The following DYNC1I1 variants were observed in gnomAD, a reference collection of about 807,000 sequenced individuals.
DYNC1I1 encodes cytoplasmic dynein 1 intermediate chain 1.
A neutral mutation model predicts 86.6 loss-of-function variants in DYNC1I1; 43 were observed. That is an observed-to-expected ratio of 0.50 (90% confidence interval 0.39 to 0.64). DYNC1I1 has a LOEUF of 0.64. DYNC1I1 is among the 30% of genes least tolerant of loss of function. The pLI is 0.00. For missense variants in DYNC1I1, 604 were observed against 788.8 expected (o/e 0.77, Z 2.81); for synonymous variants, 262 against 283.7 (o/e 0.92, Z 0.77).
Position 96,028,057 on chromosome 7 carries a change from TA to T in DYNC1I1, c.970-117del. The T allele has an allele frequency of 3.6e-6, 5 of 1,386,614 alleles. No homozygotes were observed. The African/African-American group carries it at 7.2e-5, about 20-fold the overall frequency. The allele number at this position is 1,386,614 out of a possible 1,614,324, so 85.9% of individuals were successfully genotyped here. A position where few individuals can be genotyped will look rare whatever the true frequency, so the allele number is the denominator to read the frequency against. ...CACTTTTACAGTCCCAGCTTTAAATTATTTTTTTGTTTTCCAGGATGTGTTG... is the reference window on the plus strand; with the variant it reads ...CACTTTTACAGTCCCAGCTTTAAATTTTTTTTTGTTTTCCAGGATGTGTTG... On this transcript the variant is annotated intron_variant, in intron 10 of 16. Coordinates refer to ENST00000447467, the MANE Select transcript of DYNC1I1 (RefSeq NM_001135556.2).
intron 14 of DYNC1I1, among the ~76,000 whole-genome samples, chr7:96,045,673 G>T (rs975836224): frequency 1.3e-5 from 2 of 152,152 alleles, no homozygotes; most frequent in South Asian, 2.1e-4. Flanking sequence ...AGGTGGTGAG[G>T]TTAGGGCAGA....
In DYNC1I1 at chr7:96,097,573, A is replaced by C. The variant is rs756228685; in HGVS notation, c.1867A>C (p.Thr623Pro). 6.2e-7 allele frequency: 1 copy of C among 1,613,752 alleles called. No homozygotes were observed. Among genetic ancestry groups the C allele is most frequent in the Admixed American group, 1.7e-5 (1 of 59,970 alleles). The change falls in exon 17 of 17, where the codon ACT (threonine) becomes CCT (proline). Residue 623 changes from threonine to proline, a missense_variant. By Grantham distance (38) the Thr-to-Pro change is conservative. Transcript: ENST00000447467. ...CAGAGCTGATAGCGAGGAGGAAGGC[A>C]CTGTTGAGTTATCTGCCTAGTGGAA... ...ANRADSEEEG[T>P]VELSA
Position 95,835,410 on chromosome 7 carries a change from A to T in DYNC1I1, c.374+7294A>T, listed in dbSNP as rs562531081. Reference sequence around the variant, plus strand: ...CTTCCAAGTATGTGGTCAATTTTGGAATAGGTGTGGTGTGGTGCTGAAAGA... The same window carrying T: ...CTTCCAAGTATGTGGTCAATTTTGGTATAGGTGTGGTGTGGTGCTGAAAGA... On this transcript the variant is annotated intron_variant, in intron 5 of 16. Transcript: ENST00000447467. 4.7e-5 allele frequency among the ~76,000 whole-genome samples: 7 copies of T among 148,918 alleles called. No homozygotes were observed. In the South Asian group the frequency reaches 1.5e-3, roughly 32 times the overall value.
intron 10 of DYNC1I1, 141 bp from the exon 11 acceptor site, chr7:96,028,034 C>T: frequency 1.6e-6 from 2 of 1,258,354 alleles, no homozygotes; most frequent in Non-Finnish European, 1.1e-6. Flanking sequence ...TAACTATGCA[C>T]TTTTACAGTC....
chr7:95,779,640 T>G (rs568604662), intron 1 of DYNC1I1, among the ~76,000 whole-genome samples: 1 of 152,346 alleles, frequency 6.6e-6, no homozygotes, highest in South Asian at 2.1e-4. Flanking sequence ...GACTTTAGGC[T>G]CCTTCAGACA....
At chr7:95,846,627 C>CTGTGTGTGTGTGTGTGTG (rs1236489557) in intron 5 of DYNC1I1, among the ~76,000 whole-genome samples, 21 of 136,598 alleles carry the variant, frequency 1.5e-4, no homozygotes, top group Admixed American at 1.0e-3. Context: ...ATCTCTCTCT[C>CTGTGTGTGTGTGTGTGTG]TGTGTGTGTG....
chr7:95,822,214 A>G (rs1358601701), intron 4 of DYNC1I1, among the ~76,000 whole-genome samples: 2 of 152,252 alleles, frequency 1.3e-5, no homozygotes, highest in Admixed American at 6.5e-5. Flanking sequence ...GAAACTGAGC[A>G]AATAAAATTG....
intron 6 of DYNC1I1, among the ~76,000 whole-genome samples, chr7:95,910,794 C>T (rs1791313413): frequency 6.6e-6 from 1 of 152,096 alleles, no homozygotes; most frequent in Admixed American, 6.5e-5. Context: ...GCAATAGCAC[C>T]CCTCACAGGG....
At chr7:96,044,237 C>G (rs574413600) in intron 14 of DYNC1I1, among the ~76,000 whole-genome samples, 1 of 152,072 alleles carries the variant, frequency 6.6e-6, no homozygotes, top group Non-Finnish European at 1.5e-5. Flanking sequence ...AATAAAGAAC[C>G]TTTAAAAGGC....
chr7:95,830,625 A>G (rs944541198), intron 5 of DYNC1I1, among the ~76,000 whole-genome samples: 14 of 152,242 alleles, frequency 9.2e-5, no homozygotes, highest in African/African-American at 2.9e-4. Flanking sequence ...GTTGTTTACA[A>G]TTTTTGCCCA....
intron 5 of DYNC1I1, among the ~76,000 whole-genome samples, chr7:95,866,930 A>T (rs781518852): frequency 6.6e-6 from 1 of 152,250 alleles, no homozygotes; most frequent in Non-Finnish European, 1.5e-5. Context: ...TCACAAACAT[A>T]GCATCAGTGA....
At chr7:95,784,139 G>A (rs1418774321) in intron 1 of DYNC1I1, among the ~76,000 whole-genome samples, 1 of 152,120 alleles carries the variant, frequency 6.6e-6, no homozygotes, top group Non-Finnish European at 1.5e-5. Flanking sequence ...AGGGTCAGAT[G>A]TTCAGTCAGT....
intron 10 of DYNC1I1, among the ~76,000 whole-genome samples, chr7:96,010,447 C>T (rs1322909753): frequency 6.6e-6 from 1 of 152,172 alleles, no homozygotes; most frequent in African/African-American, 2.4e-5. Context: ...TATTCCTAAG[C>T]CTGGTTCTTA....
At chr7:96,008,411 C>T (rs77587843) in intron 10 of DYNC1I1, among the ~76,000 whole-genome samples, 1 of 149,480 alleles carries the variant, frequency 6.7e-6, no homozygotes, top group Non-Finnish European at 1.5e-5. Flanking sequence ...AAGAGAAATA[C>T]AAAAAAAAAG....
intron 1 of DYNC1I1, among the ~76,000 whole-genome samples, chr7:95,785,775 G>GTGTGTGTGTA (rs1317168531): frequency 1.6e-5 from 2 of 124,906 alleles, no homozygotes; most frequent in African/African-American, 2.7e-5. Flanking sequence ...GTGTGTATGT[G>GTGTGTGTGTA]TATATATATA....
intron 6 of DYNC1I1, among the ~76,000 whole-genome samples, chr7:95,923,377 G>C (rs1791661487): frequency 6.6e-6 from 1 of 152,000 alleles, no homozygotes; most frequent in Admixed American, 6.6e-5. Flanking sequence ...AAAAAATAGA[G>C]AGACCCCCTA....
intron 6 of DYNC1I1, among the ~76,000 whole-genome samples, chr7:95,972,859 G>A (rs1271727829): frequency 2.6e-5 from 4 of 152,180 alleles, no homozygotes; most frequent in African/African-American, 9.6e-5. Flanking sequence ...TCTTAAGGGA[G>A]GAAGACAGTG....
chr7:95,874,312 A>G (rs142389638), intron 6 of DYNC1I1, among the ~76,000 whole-genome samples: 1,599 of 152,332 alleles, frequency 0.01, 16 homozygotes, highest in South Asian at 0.017. Context: ...CCACGTGACT[A>G]TCTCCTGATG....
intron 2 of DYNC1I1, among the ~76,000 whole-genome samples, chr7:95,806,179 C>A (rs1794696617): frequency 6.6e-6 from 1 of 152,170 alleles, no homozygotes. Flanking sequence ...TCCTTTCCCT[C>A]AAATGTCAAC....
Sources: allele counts gnomAD v4.1 joint callset (sites outside exome capture counted in the v4.1 genomes callset), GRCh38; gene constraint gnomAD v4.1.1; transcripts MANE v1.5; gene names NCBI Gene and HGNC (gene_info 2026-07-23, HGNC 2026-07-21).